The following DNA2 variants were observed in gnomAD, a reference collection of about 807,000 sequenced individuals.
DNA2 encodes DNA replication ATP-dependent helicase/nuclease DNA2.
Under a neutral mutation model 119.1 loss-of-function variants are expected in DNA2, and 101 were observed. The observed-to-expected ratio is 0.85, with a 90% confidence interval of 0.72 to 1.00. The LOEUF (loss-of-function observed/expected upper bound fraction) is 1.00. Ranked by LOEUF, DNA2 falls within the 50% of genes least tolerant of loss-of-function variation. The probability of loss-of-function intolerance (pLI) is 0.00; values close to 1 mark genes in which losing one functional copy is unlikely to be tolerated. For missense variants in DNA2, 1,121 were observed against 1,255.5 expected (o/e 0.89, Z 1.62); for synonymous variants, 366 against 424.4 (o/e 0.86, Z 1.69).
chr10:68,472,171 C>A, upstream of DNA2: 1 of 1,306,542 alleles, frequency 7.7e-7, no homozygotes, highest in Admixed American at 3.3e-5. Flanking sequence ...CACTCCAACC[C>A]GTGTCCGAAA....
intron 19 of DNA2, among the ~76,000 whole-genome samples, chr10:68,417,104 C>T (rs570340887): frequency 7.9e-5 from 12 of 151,992 alleles, no homozygotes; most frequent in Admixed American, 3.9e-4. Context: ...ATCAGCCAGG[C>T]GTGGTGGTGT....
At chr10:68,420,699 ATT>A (rs71009059) in intron 17 of DNA2, among the ~76,000 whole-genome samples, 5 of 139,852 alleles carry the variant, frequency 3.6e-5, no homozygotes, top group African/African-American at 1.0e-4. Context: ...AGCAATCTTG[ATT>A]TTTTTTTTTT....
At chr10:68,467,629 C>A (rs1056467906) in intron 3 of DNA2, among the ~76,000 whole-genome samples, 6 of 152,152 alleles carry the variant, frequency 3.9e-5, no homozygotes, top group Non-Finnish European at 7.3e-5. Flanking sequence ...CGGCTCACTG[C>A]AACCTCCATC....
intron 5 of DNA2, among the ~76,000 whole-genome samples, chr10:68,451,037 T>G (rs1216507014): frequency 6.7e-6 from 1 of 149,820 alleles, no homozygotes; most frequent in Non-Finnish European, 1.5e-5. Flanking sequence ...GAGGCGGAGG[T>G]TGCAGTGAGC....
At chr10:68,443,792 A>G (rs2052001187) in intron 8 of DNA2, among the ~76,000 whole-genome samples, 1 of 151,336 alleles carries the variant, frequency 6.6e-6, no homozygotes. Context: ...CTCTACTAAA[A>G]TACAAAAACT....
At chr10:68,442,870 A>T (rs2051987918) in intron 9 of DNA2, 47 bp downstream of exon 9, 1 of 1,488,672 alleles carries the variant, frequency 6.7e-7, no homozygotes, top group Non-Finnish European at 9.1e-7. Flanking sequence ...CACCTCATTC[A>T]CTAATCCAAA....
chr10:68,442,787 T>C, intron 9 of DNA2, 130 bp downstream of exon 9: 1 of 747,988 alleles, frequency 1.3e-6, no homozygotes, highest in Middle Eastern at 3.8e-4. Flanking sequence ...CCATCTGCAG[T>C]TGTCATGAAT....
intron 5 of DNA2, 88 bp downstream of exon 5, chr10:68,459,016 A>G (rs764867415): frequency 8.3e-7 from 1 of 1,202,888 alleles, no homozygotes; most frequent in Non-Finnish European, 1.1e-6. Context: ...TAATTACTCA[A>G]TCTTTAAAAA....
chr10:68,469,922 G>T, intron 2 of DNA2, 59 bp downstream of exon 2: 1 of 1,416,998 alleles, frequency 7.1e-7, no homozygotes. Flanking sequence ...GCCATTTGAT[G>T]AGTTTTACGA....
rs1223091265 is a variant in DNA2, at chr10:68,459,205, T to C, written c.618A>G (p.Ile206Met). 2.6e-6 allele frequency: 4 copies of C among 1,564,086 alleles called. No homozygotes were observed. Among genetic ancestry groups the C allele is most frequent in the Non-Finnish European group, 2.6e-6 (3 of 1,153,672 alleles). ...GAAGATAGTCCTCTACTTCTTGTTT[T>C]ATTTCATCTTGACTTAGATTTAAGC... ...MYRLNLSQDE[I>M]KQEVEDYLPS... Residue 206 changes from isoleucine to methionine, a missense_variant, in exon 5 of 21, where the codon ATA becomes ATG. Transcript: ENST00000358410.
intron 14 of DNA2, among the ~76,000 whole-genome samples, chr10:68,426,928 G>A (rs2051749666): frequency 6.6e-6 from 1 of 152,142 alleles, no homozygotes; most frequent in South Asian, 2.1e-4. Context: ...TAGAGTGGGA[G>A]AAAATACCTG....
Position 68,428,279 on chromosome 10 carries a change from T to C in DNA2, c.2208+2157A>G, listed in dbSNP as rs139895545. 6.9e-3 allele frequency among the ~76,000 whole-genome samples: 1,053 copies of C among 152,154 alleles called. 5 individuals are homozygous for C. Among genetic ancestry groups the C allele is most frequent in the African/African-American group, 0.024 (978 of 41,526 alleles). ...AGGCGGAGCTTGCAGTGAGCCAAGA[T>C]TGCACCACTGCACTCCAGCCTGGGG... On this transcript the variant is annotated intron_variant, in intron 14 of 20. Coordinates refer to ENST00000358410, the MANE Select transcript of DNA2 (RefSeq NM_001080449.3).
upstream of DNA2, chr10:68,472,027 C>T (rs1235361253): frequency 1.2e-6 from 2 of 1,607,350 alleles, no homozygotes; most frequent in South Asian, 1.1e-5. Flanking sequence ...CCTCCCGCGC[C>T]GGCGCGTTCC....
chr10:68,426,236 CA>C (rs35022384), intron 14 of DNA2, among the ~76,000 whole-genome samples: 10 of 143,626 alleles, frequency 7.0e-5, no homozygotes, highest in Non-Finnish European at 1.1e-4. Context: ...CGGACTTCCT[CA>C]AAAAAAAAAA....
At chr10:68,470,442 C>A in intron 1 of DNA2, 2 of 371,808 alleles carry the variant, frequency 5.4e-6, no homozygotes, top group Non-Finnish European at 1.0e-5. Context: ...ACACTCATTA[C>A]AATGAGGATT....
At chr10:68,423,041 G>A (rs1283788195) in intron 14 of DNA2, among the ~76,000 whole-genome samples, 151 bp from the exon 15 acceptor site, 1 of 152,060 alleles carries the variant, frequency 6.6e-6, no homozygotes, top group Non-Finnish European at 1.5e-5. Context: ...TTTATAGCAT[G>A]CAAATTTTAA....
At chr10:68,468,984 A>C (rs1425536768) in intron 2 of DNA2, among the ~76,000 whole-genome samples, 3 of 152,004 alleles carry the variant, frequency 2.0e-5, no homozygotes, top group African/African-American at 7.2e-5. Flanking sequence ...CAGGAAGCGG[A>C]GGTTGCAGTG....
chr10:68,443,427 C>T (rs1339349744), intron 8 of DNA2, among the ~76,000 whole-genome samples: 1 of 152,128 alleles, frequency 6.6e-6, no homozygotes, highest in Admixed American at 6.6e-5. Context: ...TCAAAAATCA[C>T]AATATTTGTA....
At position 68,446,330 on chromosome 10, in the gene DNA2, C is replaced by T; in HGVS notation, c.1023G>A (p.Met341Ile). ...CTAGATGGTTGGCAGGCACAGGGTACATCTGACCAGTCTTGAGGTAGAGAA... is the reference window on the plus strand; with the variant it reads ...CTAGATGGTTGGCAGGCACAGGGTATATCTGACCAGTCTTGAGGTAGAGAA... Reference protein sequence around the residue: ...GLLLYLKTGQMYPVPANHLDK... With the variant: ...GLLLYLKTGQIYPVPANHLDK... Residue 341 changes from methionine to isoleucine, a missense_variant, in exon 7 of 21, where the codon ATG becomes ATA. Transcript: ENST00000358410. 1.3e-6 allele frequency: 2 copies of T among 1,596,204 alleles called. No individual in the cohort carries two copies. The highest frequency in any genetic ancestry group is 1.7e-6 in the Non-Finnish European group (2 of 1,171,236).
Sources: allele counts gnomAD v4.1 joint callset (sites outside exome capture counted in the v4.1 genomes callset), GRCh38; gene constraint gnomAD v4.1.1; transcripts MANE v1.5; gene names NCBI Gene and HGNC (gene_info 2026-07-23, HGNC 2026-07-21).